DYNC1I1: variants seen among roughly 807,000 people sequenced by gnomAD.
DYNC1I1 encodes the protein cytoplasmic dynein 1 intermediate chain 1.
In DYNC1I1, 43 loss-of-function variants were observed where a neutral mutation model predicts 86.6. The ratio of observed to expected loss-of-function variants is 0.50; its 90% CI spans 0.39 to 0.64. The LOEUF is 0.64. Ranked by LOEUF, DYNC1I1 falls within the 30% of genes least tolerant of loss-of-function variation. The pLI, the probability that DYNC1I1 is intolerant of heterozygous loss-of-function variation, is 0.00. For missense variants in DYNC1I1, 604 were observed against 788.8 expected, an observed-to-expected ratio of 0.77 and a Z score of 2.81; for synonymous variants, 262 against 283.7, an observed-to-expected ratio of 0.92 and a Z score of 0.77.
chr7:95,903,370 T>C (rs1791089997), intron 6 of DYNC1I1, among the ~76,000 whole-genome samples: 1 of 152,178 alleles, frequency 6.6e-6, no homozygotes, highest in Admixed American at 6.5e-5. Flanking sequence ...TGTGGCACCT[T>C]GTATTTTCTG....
intron 10 of DYNC1I1, among the ~76,000 whole-genome samples, chr7:96,010,673 G>A (rs1205289589): frequency 6.6e-6 from 1 of 152,096 alleles, no homozygotes; most frequent in African/African-American, 2.4e-5. Context: ...AGAATCAATG[G>A]CAACTCTGTT....
At chr7:95,847,164 C>G (rs555586999) in intron 5 of DYNC1I1, among the ~76,000 whole-genome samples, 1 of 152,324 alleles carries the variant, frequency 6.6e-6, no homozygotes, top group Admixed American at 6.5e-5. Context: ...TCCTTTTCTT[C>G]ACCCTCCATA....
chr7:95,952,718 G>T (rs955235362), intron 6 of DYNC1I1, among the ~76,000 whole-genome samples: 1 of 152,066 alleles, frequency 6.6e-6, no homozygotes, highest in Admixed American at 6.6e-5. Flanking sequence ...TATAAAATTT[G>T]TAGGTGCTAC....
At chr7:96,038,402 A>G (rs920208896) in intron 13 of DYNC1I1, among the ~76,000 whole-genome samples, 1 of 152,232 alleles carries the variant, frequency 6.6e-6, no homozygotes, top group African/African-American at 2.4e-5. Context: ...TGCATGCAGA[A>G]TACTATGTGA....
chr7:95,835,459 G>A (rs1223686438), intron 5 of DYNC1I1, among the ~76,000 whole-genome samples: 1 of 151,200 alleles, frequency 6.6e-6, no homozygotes, highest in Non-Finnish European at 1.5e-5. Context: ...TTGATTTGAG[G>A]TGGAGAGTTC....
chr7:96,061,511 T>C (rs1789765052), intron 14 of DYNC1I1, among the ~76,000 whole-genome samples: 1 of 151,920 alleles, frequency 6.6e-6, no homozygotes, highest in South Asian at 2.1e-4. Context: ...TGAAAGAGAA[T>C]AAAGGGCATT....
chr7:95,989,962 A>G (rs1793691063), intron 9 of DYNC1I1, among the ~76,000 whole-genome samples: 1 of 152,182 alleles, frequency 6.6e-6, no homozygotes, highest in African/African-American at 2.4e-5. Context: ...GAAGAGAGAT[A>G]GAGGAACAGT....
At chr7:95,926,159 A>G (rs1034720369) in intron 6 of DYNC1I1, among the ~76,000 whole-genome samples, 5 of 152,206 alleles carry the variant, frequency 3.3e-5, no homozygotes, top group African/African-American at 1.2e-4. Flanking sequence ...ATACTGAGCA[A>G]TTCAATTTCT....
At chr7:96,078,676 C>T (rs73232559) in intron 15 of DYNC1I1, among the ~76,000 whole-genome samples, 19,689 of 152,028 alleles carry the variant, frequency 0.13, 1,391 homozygotes, top group South Asian at 0.18. Context: ...TAAGATTAAA[C>T]ATTTTATTCT....
intron 14 of DYNC1I1, among the ~76,000 whole-genome samples, chr7:96,048,073 T>C (rs1459008352): frequency 6.6e-6 from 1 of 151,994 alleles, no homozygotes; most frequent in African/African-American, 2.4e-5. Context: ...GAGGCAGTTA[T>C]CTGTTAACGA....
intron 16 of DYNC1I1, among the ~76,000 whole-genome samples, chr7:96,087,145 C>A (rs1790705990): frequency 6.6e-6 from 1 of 152,072 alleles, no homozygotes; most frequent in African/African-American, 2.4e-5. Flanking sequence ...TCATGTTTTC[C>A]AGTAATACAG....
At chr7:95,996,541 A>G (rs1364506112) in intron 10 of DYNC1I1, among the ~76,000 whole-genome samples, 2 of 152,210 alleles carry the variant, frequency 1.3e-5, no homozygotes, top group Non-Finnish European at 2.9e-5. Context: ...ATGGGGCAAG[A>G]CTTACCACTC....
At chr7:96,086,569 G>A (rs1029004961) in intron 16 of DYNC1I1, among the ~76,000 whole-genome samples, 4 of 152,132 alleles carry the variant, frequency 2.6e-5, no homozygotes, top group Non-Finnish European at 5.9e-5. Context: ...TTTGAACTCT[G>A]AACTTTGATA....
At position 96,076,849 on chromosome 7, in the gene DYNC1I1, A is replaced by G. The variant is rs574764815; in HGVS notation, c.1650+652A>G. Among the ~76,000 whole-genome samples the G allele has an allele frequency of 2.0e-5, 3 of 152,356 alleles. No individual in the cohort carries two copies. In the South Asian group the frequency reaches 6.2e-4, roughly 32 times the overall value. ...GCAAGTGAAAATACCCATTTATTTT[A>G]AAAATCAGCCAGTAATAAATACTGT... On this transcript the variant is annotated intron_variant, in intron 15 of 16. Transcript: ENST00000447467.
chr7:95,946,686 T>C (rs1418315497), intron 6 of DYNC1I1, among the ~76,000 whole-genome samples: 2 of 152,202 alleles, frequency 1.3e-5, no homozygotes, highest in Non-Finnish European at 2.9e-5. Context: ...AATTCATGCA[T>C]TGAACAAATA....
At chr7:95,774,219 A>C (rs1446759141) in intron 1 of DYNC1I1, among the ~76,000 whole-genome samples, 1 of 152,180 alleles carries the variant, frequency 6.6e-6, no homozygotes, top group Non-Finnish European at 1.5e-5. Context: ...TGGGGGTCGA[A>C]TGCAGGCTTT....
At chr7:96,020,386 T>TA (rs1297348950) in intron 10 of DYNC1I1, among the ~76,000 whole-genome samples, 1 of 151,908 alleles carries the variant, frequency 6.6e-6, no homozygotes, top group East Asian at 1.9e-4. Flanking sequence ...AAATAAAAAA[T>TA]AAAAATAAAA....
intron 10 of DYNC1I1, among the ~76,000 whole-genome samples, chr7:96,012,754 A>C (rs943443047): frequency 6.6e-6 from 1 of 152,182 alleles, no homozygotes; most frequent in Admixed American, 6.5e-5. Context: ...AAGTTTATCA[A>C]GTATTTGTTG....
chr7:95,917,700 C>T (rs1053391446), intron 6 of DYNC1I1, among the ~76,000 whole-genome samples: 5 of 152,198 alleles, frequency 3.3e-5, no homozygotes, highest in African/African-American at 4.8e-5. Context: ...CCAACAGCAT[C>T]GTGATAAAGT....
Sources: gnomAD v4.1 joint callset for allele counts (sites outside exome capture counted in the v4.1 genomes callset) on GRCh38, gnomAD v4.1.1 for gene constraint, MANE v1.5 for transcripts, NCBI Gene and HGNC (gene_info 2026-07-23, HGNC 2026-07-21) for gene names.